SPTB: variants seen among roughly 807,000 people sequenced by gnomAD.
SPTB encodes the protein spectrin beta chain, erythrocytic.
SPTB carries 45 observed loss-of-function variants against 256.2 expected under a neutral mutation model. The observed-to-expected ratio is 0.18, with a 90% CI of 0.14 to 0.23. The LOEUF is 0.23. SPTB is among the 10% of genes least tolerant of loss of function. The pLI is 1.00. For missense variants in SPTB, 2,715 were observed against 3,040.4 expected (o/e 0.89, Z 2.52); for synonymous variants, 1,231 against 1,243.1 (o/e 0.99, Z 0.21).
chr14:64,817,828 G>A (rs1412721858), intron 2 of SPTB, among the ~76,000 whole-genome samples: 2 of 152,266 alleles, frequency 1.3e-5, no homozygotes, highest in Non-Finnish European at 2.9e-5. Context: ...CAGCCAAGGA[G>A]GTGGGCGGGG....
chr14:64,773,135 C>T (rs2082304253), intron 25 of SPTB, 85 bp downstream of exon 25: 7 of 1,580,832 alleles, frequency 4.4e-6, no homozygotes, highest in South Asian at 2.3e-5. Context: ...ACGTCCTATG[C>T]AGCACTCTGT....
At chr14:64,752,280 T>C (rs755265349) in intron 33 of SPTB, 2 of 1,334,052 alleles carry the variant, frequency 1.5e-6, no homozygotes, top group Admixed American at 2.0e-5. Flanking sequence ...ATCCTCCTCT[T>C]CTGTCTCCCT....
rs1433365889 is a variant in SPTB, at chr14:64,823,273, GGGCGTGCTTCCTACCA to G, written c.-51-144_-51-129del. ...AAGCAGAACGCCATGTCATCTGCCT[GGGCGTGCTTCCTACCA>G]GGGTCTCTGGGTCGTTTGTTATAAA... is the stretch of plus-strand genomic sequence containing the variant. On this transcript the variant is annotated intron_variant, in intron 1 of 35. Coordinates refer to ENST00000644917, the MANE Select transcript of SPTB (RefSeq NM_001355436.2). This position sits in a 1 kb window ranked among gnomAD's most constrained non-coding sequence, Gnocchi z 6.5. 15 of 727,534 alleles carry G rather than the reference GGGCGTGCTTCCTACCA, an allele frequency of 2.1e-5. No homozygotes were observed. The highest frequency in any genetic ancestry group is 2.9e-5 in the Non-Finnish European group (12 of 419,196). 45.1% of individuals were successfully genotyped at this position (727,534 alleles called of 1,614,324 possible).
Position 64,793,254 on chromosome 14 carries a change from C to T in SPTB, c.2409G>A (p.Glu803=), listed in dbSNP as rs200262678. ...EESRGVMEHL[E]QQAQGFPEEF... ...CTTCGGGGAATCCCTGGGCCTGCTG[C>T]TCCAGGTGCTCCATCACCCCACGGC... is the stretch of plus-strand genomic sequence containing the variant. The change falls in exon 14 of 36, where the codon GAG becomes GAA. Residue 803 remains glutamate (E), a synonymous_variant. Transcript: ENST00000644917. This position sits in a 1 kb window ranked among gnomAD's most constrained non-coding sequence, Gnocchi z 7.0. 2.9e-4 allele frequency: 474 copies of T among 1,607,534 alleles called. 1 individual carries two copies. Among genetic ancestry groups the T allele is most frequent in the Non-Finnish European group, 3.8e-4 (451 of 1,180,016 alleles).
chr14:64,803,530 T>A (rs2082927376), intron 4 of SPTB, 77 bp downstream of exon 4: 2 of 1,578,176 alleles, frequency 1.3e-6, no homozygotes, highest in East Asian at 4.5e-5. Flanking sequence ...CACACTCTGT[T>A]CAGCATTTTA....
chr14:64,838,727 A>G (rs958763503), intron 1 of SPTB, among the ~76,000 whole-genome samples: 7 of 152,206 alleles, frequency 4.6e-5, no homozygotes, highest in Admixed American at 4.6e-4. Flanking sequence ...AAAAAAAACA[A>G]TTCTGCAGTT....
chr14:64,846,742 C>G (rs991719789), intron 1 of SPTB, among the ~76,000 whole-genome samples: 4 of 152,194 alleles, frequency 2.6e-5, no homozygotes, highest in African/African-American at 9.7e-5. Context: ...CATATACATT[C>G]ATGTCTTGTT....
chr14:64,772,671 G>A lies in SPTB; in HGVS notation c.5462C>T (p.Pro1821Leu), dbSNP rs1304147798. ...GCTGGCGTCCAGCCCCACGTCCTCG[G>A]GCAGCTCGCGGTGCTTCTCGTCGAT... ...GLIDEKHRELPEDVGLDASTA... is the reference protein window; with the variant it reads ...GLIDEKHRELLEDVGLDASTA... The change falls in exon 26 of 36, where the codon CCC becomes CTC. Residue 1821 changes from proline (P) to leucine (L), a missense_variant. By Grantham distance (98) the Pro-to-Leu change is moderately conservative. Transcript: ENST00000644917. The surrounding 1 kb of genome is among the most constrained non-coding windows in gnomAD (Gnocchi z 5.4). 1 of 1,613,542 alleles carries A rather than the reference G, an allele frequency of 6.2e-7. No homozygotes were observed. The highest frequency in any genetic ancestry group is 1.7e-5 in the Admixed American group (1 of 60,014).
chr14:64,784,164 C>T, intron 19 of SPTB, 83 bp downstream of exon 19: 1 of 1,598,844 alleles, frequency 6.3e-7, no homozygotes, highest in Non-Finnish European at 8.5e-7. Context: ...AGCTTTAGGA[C>T]AGGGTCCACA....
intron 9 of SPTB, 81 bp from the exon 10 acceptor site, chr14:64,797,927 G>C: frequency 5.2e-6 from 5 of 959,042 alleles, no homozygotes; most frequent in Non-Finnish European, 8.6e-6. Flanking sequence ...ACGGAACTGT[G>C]GCATCTTGAA....
At chr14:64,800,948 TC>T in intron 7 of SPTB, 80 bp from the exon 8 acceptor site, 1 of 1,113,104 alleles carries the variant, frequency 9.0e-7, no homozygotes, top group Non-Finnish European at 1.3e-6. Context: ...TCCCCATTCC[TC>T]CAGCATCAAG....
Position 64,764,760 on chromosome 14 carries a change from G to A in SPTB, c.6345+1966C>T, listed in dbSNP as rs1371091395. Among the ~76,000 whole-genome samples, 1 of 152,182 alleles carries A rather than the reference G, an allele frequency of 6.6e-6. No individual in the cohort carries two copies. Among genetic ancestry groups the A allele is most frequent in the African/African-American group, 2.4e-5 (1 of 41,452 alleles). On this transcript the variant is annotated intron_variant, in intron 32 of 35. Coordinates refer to ENST00000644917, the MANE Select transcript of SPTB (RefSeq NM_001355436.2). This position sits in a 1 kb window ranked among gnomAD's most constrained non-coding sequence, Gnocchi z 4.2. ...GAAGCAGGCGGGGGCAGGGTGCAGG[G>A]CCCTAGCCCGTGTCCGCAGTCTGTG...
Position 64,772,592 on chromosome 14 carries a change from C to T in SPTB, c.5541G>A (p.Leu1847=), listed in dbSNP as rs1448498091. Residue 1847 remains leucine (L), a synonymous_variant, in exon 26 of 36, where the codon CTG becomes CTA. Transcript: ENST00000644917. The surrounding 1 kb of genome is among the most constrained non-coding windows in gnomAD (Gnocchi z 5.4). ...GGGCTGAAGGTACCTGGACACCCAG[C>T]AGGTGGAGCTCCCGCTCGAAGGCTG... ...VHTAFERELH[L]LGVQVQQFQD... The T allele has an allele frequency of 2.5e-6, 4 of 1,608,200 alleles. No homozygotes were observed. The highest frequency in any genetic ancestry group is 1.7e-5 in the Admixed American group (1 of 59,988).
rs553827480 is a variant in SPTB, at chr14:64,764,599, G to T, written c.6345+2127C>A. On this transcript the variant is annotated intron_variant, in intron 32 of 35. Transcript: ENST00000644917. The surrounding 1 kb of genome is among the most constrained non-coding windows in gnomAD (Gnocchi z 4.2). ...CAGTGACATTCAGGTGTTGGCTGGA[G>T]GCGGCTCTGATGCACAAGTAATTAC... 6.6e-6 allele frequency among the ~76,000 whole-genome samples: 1 copy of T among 152,362 alleles called. No homozygotes were observed. The highest frequency in any genetic ancestry group is 2.1e-4 in the South Asian group (1 of 4,830).
chr14:64,787,035 A>G lies in SPTB; in HGVS notation c.2930T>C (p.Val977Ala), dbSNP rs986293048. 41 of 1,613,908 alleles carry G rather than the reference A, an allele frequency of 2.5e-5. No homozygotes were observed. In the Admixed American group the frequency reaches 4.0e-4, roughly 16 times the overall value. The part of the protein sequence containing the change: ...SKWITDKTKV[V>A]ESTKDLGRDL... ...CCGCCCCAGGTCTTTTGTGGACTCC[A>G]CTACCTTTGTCTTGTCCGTGATCCA... Residue 977 changes from valine (V) to alanine (A), a missense_variant, in exon 16 of 36, where the codon GTG becomes GCG. By Grantham distance (64) the Val-to-Ala change is moderately conservative. Coordinates refer to ENST00000644917, the MANE Select transcript of SPTB (RefSeq NM_001355436.2).
rs267604026 is a variant in SPTB, at chr14:64,803,616, G to A, written c.465C>T (p.Leu155=). Residue 155 remains leucine (L), a synonymous_variant, in exon 4 of 36, where the codon CTC becomes CTT. Transcript: ENST00000644917. ...LVLGLIWTII[L]RFQIQDIVVQ... is the part of the protein sequence containing the mutation. Reference sequence around the variant, plus strand: ...CCCCCCAGGAACCCACCTGGAAGCGGAGGATGATGGTCCAGATGAGGCCCA... The same window carrying A: ...CCCCCCAGGAACCCACCTGGAAGCGAAGGATGATGGTCCAGATGAGGCCCA... The A allele has an allele frequency of 6.2e-7, 1 of 1,614,204 alleles. No individual in the cohort carries two copies. The highest frequency in any genetic ancestry group is 1.1e-5 in the South Asian group (1 of 91,090).
rs1429649364 is a variant in SPTB, at chr14:64,777,148, A to G, written c.4564-1745T>C. Among the ~76,000 whole-genome samples, 1 of 152,162 alleles carries G rather than the reference A, an allele frequency of 6.6e-6. No homozygotes were observed. Among genetic ancestry groups the G allele is most frequent in the Admixed American group, 6.5e-5 (1 of 15,272 alleles). On this transcript the variant is annotated intron_variant, in intron 22 of 35. Coordinates refer to ENST00000644917, the MANE Select transcript of SPTB (RefSeq NM_001355436.2). The surrounding 1 kb of genome is among the most constrained non-coding windows in gnomAD (Gnocchi z 4.5). ...TGACATGAATGACGGGAGGGAGGCA[A>G]CCACACAGAGATCTGGGGTTGAGTG...
chr14:64,771,196 T>C (rs1316889197), intron 26 of SPTB, 67 bp from the exon 27 acceptor site: 117 of 1,604,148 alleles, frequency 7.3e-5, no homozygotes, highest in South Asian at 2.6e-4. Context: ...GGCCTAGGAC[T>C]GGAAGGGCAG....
chr14:64,791,484 T>A (rs560159771), intron 15 of SPTB, among the ~76,000 whole-genome samples: 1 of 145,332 alleles, frequency 6.9e-6, no homozygotes, highest in East Asian at 2.0e-4. Context: ...AAGAATAGCT[T>A]GAACCCAGGA....
Sources: gnomAD v4.1 joint callset for allele counts (sites outside exome capture counted in the v4.1 genomes callset) on GRCh38, gnomAD v4.1.1 for gene constraint, Gnocchi (gnomAD v3.1) non-coding constraint, MANE v1.5 for transcripts, NCBI Gene and HGNC (gene_info 2026-07-23, HGNC 2026-07-21) for gene names.